Variants in FRRS1L observed in about 807,000 individuals in gnomAD.
The protein encoded by FRRS1L is ferric chelate reductase 1 like.
In FRRS1L, 22 loss-of-function variants were observed where a neutral mutation model predicts 28.6. That is an observed-to-expected ratio of 0.77 (90% confidence interval 0.55 to 1.10). The LOEUF (loss-of-function observed/expected upper bound fraction) is 1.10, where lower values mean the gene tolerates loss of function less well. Among genes scored for constraint, FRRS1L ranks in the 50% least tolerant of loss-of-function variants. FRRS1L has a pLI of 0.00. For missense variants in FRRS1L, 380 were observed against 386.9 expected (o/e 0.98, Z 0.15); for synonymous variants, 158 against 151.4 (o/e 1.04, Z -0.32).
intron 4 of FRRS1L, 174 bp downstream of exon 4, chr9:109,141,169 T>C: frequency 1.5e-6 from 1 of 649,526 alleles, no homozygotes. Flanking sequence ...GTATAATAAG[T>C]CCATTATAAT....
At chr9:109,149,782 T>C in intron 1 of FRRS1L, 62 bp from the exon 2 acceptor site, 1 of 1,155,654 alleles carries the variant, frequency 8.7e-7, no homozygotes, top group Non-Finnish European at 1.3e-6. Context: ...ATGAGAATTT[T>C]TAAAAATGTG....
At chr9:109,145,906 G>A (rs1831253978) in intron 3 of FRRS1L, among the ~76,000 whole-genome samples, 1 of 151,978 alleles carries the variant, frequency 6.6e-6, no homozygotes, top group Non-Finnish European at 1.5e-5. Flanking sequence ...TAATAAATGA[G>A]TAAAGTAGGT....
intron 1 of FRRS1L, chr9:109,150,659 A>G (rs1470244208): frequency 1.3e-5 from 2 of 152,220 alleles, no homozygotes; most frequent in Non-Finnish European, 2.9e-5. Flanking sequence ...CTTTAAACAC[A>G]TAATTTCTAA....
At chr9:109,149,563 T>A (rs1336445829) in intron 2 of FRRS1L, 73 bp downstream of exon 2, 2 of 1,005,178 alleles carry the variant, frequency 2.0e-6, no homozygotes, top group Non-Finnish European at 3.1e-6. Flanking sequence ...AGGAACTGCA[T>A]GCAATTTAAA....
At position 109,136,737 on chromosome 9, in the gene FRRS1L, G is replaced by T. The variant is rs1831116744; in HGVS notation, c.*718C>A. The T allele has an allele frequency of 6.6e-6, 1 of 152,186 alleles. No individual in the cohort carries two copies. The highest frequency in any genetic ancestry group is 2.1e-4 in the South Asian group (1 of 4,826). 9.4% of individuals were successfully genotyped at this position (152,186 alleles called of 1,614,324 possible). The stretch of plus-strand genomic sequence containing the variant: ...GGGGTTTCACCACATTGGCCAGGCT[G>T]GTCTCGAACTCCTGACCTCAGGTGA... On this transcript the variant is annotated 3_prime_UTR_variant, in exon 5 of 5. Transcript: ENST00000561981.
At chr9:109,154,709 C>T (rs535537693) in intron 1 of FRRS1L, among the ~76,000 whole-genome samples, 24 of 152,180 alleles carry the variant, frequency 1.6e-4, no homozygotes, top group African/African-American at 4.6e-4. Context: ...ACCTTAGACA[C>T]GAGGTCCAGC....
Position 109,141,520 on chromosome 9 carries a change from C to G in FRRS1L, c.532G>C (p.Val178Leu). Residue 178 changes from valine to leucine, a missense_variant, in exon 4 of 5, where the codon GTA (valine) becomes CTA (leucine). Val to Leu is a conservative substitution (Grantham distance 32). Transcript: ENST00000561981. ...TGAATCTCCTTTGCCCACTGGCCTA[C>G]ATTATAGAAGTGCTGTATGCGGACC... is the stretch of plus-strand genomic sequence containing the variant. ...GRVRIQHFYNVGQWAKEIQRN... is the reference protein window; with the variant it reads ...GRVRIQHFYNLGQWAKEIQRN... 1 of 1,614,050 alleles carries G rather than the reference C, an allele frequency of 6.2e-7. No individual in the cohort carries two copies. Among genetic ancestry groups the G allele is most frequent in the South Asian group, 1.1e-5 (1 of 91,072 alleles).
intron 3 of FRRS1L, among the ~76,000 whole-genome samples, chr9:109,146,057 C>T (rs768075165): frequency 1.3e-5 from 2 of 151,858 alleles, no homozygotes; most frequent in African/African-American, 2.4e-5. Context: ...ATTAGCAGGG[C>T]GTGGTGGCAG....
chr9:109,143,392 G>C (rs1831213375), intron 3 of FRRS1L, among the ~76,000 whole-genome samples: 1 of 152,154 alleles, frequency 6.6e-6, no homozygotes, highest in African/African-American at 2.4e-5. Flanking sequence ...TGTTGATAAT[G>C]GGGGAGGCTC....
In FRRS1L at chr9:109,136,074, A is replaced by G. The variant is rs948984319; in HGVS notation, c.*1381T>C. On this transcript the variant is annotated 3_prime_UTR_variant, in exon 5 of 5. Coordinates refer to ENST00000561981, the MANE Select transcript of FRRS1L (RefSeq NM_014334.4). The stretch of plus-strand genomic sequence containing the variant: ...GTGAAACTCCATCTCTACTAAAAAT[A>G]CAAAAAAATTAGCCAGGCATAGTGG... 2 of 151,986 alleles carry G rather than the reference A, an allele frequency of 1.3e-5. No homozygotes were observed. Among genetic ancestry groups the G allele is most frequent in the African/African-American group, 4.8e-5 (2 of 41,396 alleles). The allele number at this position is 151,986 out of a possible 1,614,324, so 9.4% of individuals were successfully genotyped here.
Position 109,167,026 on chromosome 9 carries a change from C to G in FRRS1L, c.113G>C (p.Gly38Ala). 3 of 1,213,764 alleles carry G rather than the reference C, an allele frequency of 2.5e-6. No homozygotes were observed. The South Asian group carries it at 1.1e-4, about 46-fold the overall frequency. The allele number at this position is 1,213,764 out of a possible 1,614,324, so 75.2% of individuals were successfully genotyped here. ...ASPADDGAGP[G>A]GRGPRGRARG... ...CGCGCGTCCCCGGGGTCCCCGGCCC[C>G]CCGGGCCCGCACCGTCGTCCGCGGG... is the stretch of plus-strand genomic sequence containing the variant. The change falls in exon 1 of 5, where the codon GGG (glycine) becomes GCG (alanine). Residue 38 changes from glycine to alanine, a missense_variant. Gly to Ala is a moderately conservative substitution (Grantham distance 60). Transcript: ENST00000561981.
chr9:109,141,351 G>T lies in FRRS1L; in HGVS notation c.701C>A (p.Ala234Asp). The change falls in exon 4 of 5, where the codon GCC becomes GAC. Residue 234 changes from alanine to aspartate, a missense_variant. By Grantham distance (126) the Ala-to-Asp change is moderately radical. Transcript: ENST00000561981. The stretch of plus-strand genomic sequence containing the variant: ...CTGAAATGTAAGCTTACCCTGAATG[G>T]CTGGACCCCAAGCAAACAGATAATA... ...SWYYLFAWGPAIQGSITRHDI... is the reference protein window; with the variant it reads ...SWYYLFAWGPDIQGSITRHDI... 1 of 1,614,038 alleles carries T rather than the reference G, an allele frequency of 6.2e-7. No homozygotes were observed. The highest frequency in any genetic ancestry group is 1.1e-5 in the South Asian group (1 of 91,076).
At chr9:109,157,200 A>C (rs1008442685) in intron 1 of FRRS1L, among the ~76,000 whole-genome samples, 4 of 152,198 alleles carry the variant, frequency 2.6e-5, no homozygotes, top group Non-Finnish European at 4.4e-5. Context: ...CAAATCTTAC[A>C]GCATTGTAAT....
At position 109,131,163 on chromosome 9, in the gene FRRS1L, C is replaced by A. The variant is rs184871136; in HGVS notation, c.*6292G>T. ...GATACTTGAATAACTGAATAAGGAA[C>A]CTAATTAAATACAAAACCTGTATAG... On this transcript the variant is annotated 3_prime_UTR_variant, in exon 5 of 5. Transcript: ENST00000561981. 1 of 152,286 alleles carries A rather than the reference C, an allele frequency of 6.6e-6. No homozygotes were observed. Among genetic ancestry groups the A allele is most frequent in the Non-Finnish European group, 1.5e-5 (1 of 68,026 alleles). The allele number at this position is 152,286 out of a possible 1,614,324, so 9.4% of individuals were successfully genotyped here. A position where few individuals can be genotyped will look rare whatever the true frequency, so the allele number is the denominator to read the frequency against.
chr9:109,147,353 C>G (rs1831276766), intron 2 of FRRS1L, 164 bp from the exon 3 acceptor site: 3 of 611,364 alleles, frequency 4.9e-6, no homozygotes, highest in Admixed American at 6.0e-5. Flanking sequence ...TAGGAGGAAC[C>G]TTAGAGATGA....
chr9:109,132,726 T>C lies in FRRS1L; in HGVS notation c.*4729A>G, dbSNP rs1295342823. ...GCAAGCTAAGAATGGTCTTTGGATT[T>C]TTTTAATGGCTTTCTGAAAAAAATC... On this transcript the variant is annotated 3_prime_UTR_variant, in exon 5 of 5. Transcript: ENST00000561981. 3.9e-5 allele frequency: 6 copies of C among 152,214 alleles called. No individual in the cohort carries two copies. Among genetic ancestry groups the C allele is most frequent in the Non-Finnish European group, 8.8e-5 (6 of 68,040 alleles). 9.4% of individuals were successfully genotyped at this position (152,214 alleles called of 1,614,324 possible). A position where few individuals can be genotyped will look rare whatever the true frequency, so the allele number is the denominator to read the frequency against.
intron 1 of FRRS1L, among the ~76,000 whole-genome samples, chr9:109,152,795 C>T (rs1382652050): frequency 4.9e-5 from 4 of 82,386 alleles, no homozygotes; most frequent in African/African-American, 2.2e-4. Flanking sequence ...CAGAGAGAGA[C>T]TCCATCTCAA....
At position 109,133,953 on chromosome 9, in the gene FRRS1L, T is replaced by C. The variant is rs1831084860; in HGVS notation, c.*3502A>G. The C allele has an allele frequency of 6.6e-6, 1 of 152,222 alleles. No homozygotes were observed. The highest frequency in any genetic ancestry group is 1.5e-5 in the Non-Finnish European group (1 of 68,036). The allele number at this position is 152,222 out of a possible 1,614,324, so 9.4% of individuals were successfully genotyped here. A position where few individuals can be genotyped will look rare whatever the true frequency, so the allele number is the denominator to read the frequency against. On this transcript the variant is annotated 3_prime_UTR_variant, in exon 5 of 5. Coordinates refer to ENST00000561981, the MANE Select transcript of FRRS1L (RefSeq NM_014334.4). ...TCTATCGACTGCTAGTTCTCTGAGA[T>C]AATGGTCAAAGGCCATTCTGTATCA...
chr9:109,165,927 C>G (rs2118520380), intron 1 of FRRS1L, among the ~76,000 whole-genome samples: 1 of 152,304 alleles, frequency 6.6e-6, no homozygotes, highest in South Asian at 2.1e-4. Flanking sequence ...CACTGGTGAC[C>G]AAGGAGCCTC....
Sources: gnomAD v4.1 joint callset for allele counts (sites outside exome capture counted in the v4.1 genomes callset) on GRCh38, gnomAD v4.1.1 for gene constraint, MANE v1.5 for transcripts, NCBI Gene and HGNC (gene_info 2026-07-23, HGNC 2026-07-21) for gene names.